Variants in YAF2 observed in about 807,000 individuals in gnomAD.
The protein encoded by YAF2 is YY1-associated factor 2.
In YAF2, 7 loss-of-function variants were observed where a neutral mutation model predicts 20.1. The observed-to-expected ratio is 0.35, with a 90% CI of 0.20 to 0.65. The LOEUF is 0.65. Among genes scored for constraint, YAF2 ranks in the 30% least tolerant of loss-of-function variants. The pLI is 0.69. For synonymous variants in YAF2, 74 were observed against 76.0 expected (o/e 0.97, Z 0.14); for missense variants, 151 against 219.2 (o/e 0.69, Z 1.96).
chr12:42,205,907 G>T, intron 2 of YAF2: 2 of 397,728 alleles, frequency 5.0e-6, no homozygotes, highest in Non-Finnish European at 9.9e-6. Flanking sequence ...TAATTATTTT[G>T]TAATTTCCAT....
chr12:42,163,108 A>G (rs756151943), intron 2 of YAF2, among the ~76,000 whole-genome samples: 6 of 152,186 alleles, frequency 3.9e-5, no homozygotes, highest in Non-Finnish European at 7.4e-5. Flanking sequence ...GTAGAGCCCA[A>G]GAAACTGTAT....
intron 2 of YAF2, among the ~76,000 whole-genome samples, chr12:42,175,690 C>T (rs778987179): frequency 4.8e-4 from 59 of 121,836 alleles, no homozygotes; most frequent in Admixed American, 1.0e-3. Context: ...TCCTGGCCAA[C>T]GAGATCGCAC....
intron 2 of YAF2, among the ~76,000 whole-genome samples, chr12:42,177,838 G>C (rs1407661471): frequency 6.6e-6 from 1 of 152,116 alleles, no homozygotes; most frequent in African/African-American, 2.4e-5. Context: ...TGTAGGAGAA[G>C]TCTTTCTTAA....
chr12:42,165,117 T>C (rs1293338362), intron 2 of YAF2, among the ~76,000 whole-genome samples: 1 of 149,962 alleles, frequency 6.7e-6, no homozygotes, highest in African/African-American at 2.4e-5. Context: ...TTATTGCACA[T>C]TTACATGTGT....
chr12:42,194,705 C>T (rs568392830), intron 2 of YAF2, among the ~76,000 whole-genome samples: 43 of 152,268 alleles, frequency 2.8e-4, no homozygotes, highest in African/African-American at 7.9e-4. Flanking sequence ...TGGTGTTGTA[C>T]AGTTACTCAC....
chr12:42,237,234 G>C (rs1376923181), intron 2 of YAF2, among the ~76,000 whole-genome samples: 1 of 152,164 alleles, frequency 6.6e-6, no homozygotes, highest in South Asian at 2.1e-4. Context: ...CTCCTAAAGA[G>C]ATTTTATGGG....
At chr12:42,224,369 A>C (rs1465503594) in intron 2 of YAF2, among the ~76,000 whole-genome samples, 2 of 151,694 alleles carry the variant, frequency 1.3e-5, no homozygotes, top group East Asian at 3.8e-4. Flanking sequence ...TAGGTGAAGA[A>C]TACAATATAT....
intron 2 of YAF2, among the ~76,000 whole-genome samples, chr12:42,214,522 T>G (rs1008453016): frequency 2.6e-5 from 4 of 151,988 alleles, no homozygotes; most frequent in African/African-American, 9.7e-5. Flanking sequence ...TCCAATGGCC[T>G]CAGCCTCCCA....
At chr12:42,218,536 G>T (rs768946642) in intron 2 of YAF2, among the ~76,000 whole-genome samples, 4 of 151,982 alleles carry the variant, frequency 2.6e-5, no homozygotes, top group Non-Finnish European at 5.9e-5. Context: ...TTTAAAAAAT[G>T]TATTATTTTT....
At chr12:42,173,143 A>C (rs2066093424) in intron 2 of YAF2, among the ~76,000 whole-genome samples, 1 of 152,214 alleles carries the variant, frequency 6.6e-6, no homozygotes, top group Non-Finnish European at 1.5e-5. Context: ...CCCAGACTGC[A>C]GTGCAATGGC....
intron 2 of YAF2, among the ~76,000 whole-genome samples, chr12:42,184,787 G>C (rs1362182798): frequency 6.6e-6 from 1 of 152,186 alleles, no homozygotes; most frequent in Non-Finnish European, 1.5e-5. Flanking sequence ...ACATGAACAG[G>C]AGTTTGGTGG....
chr12:42,233,092 G>T, intron 2 of YAF2: 1 of 985,304 alleles, frequency 1.0e-6, no homozygotes, highest in Non-Finnish European at 1.2e-6. Flanking sequence ...ATAAACATTT[G>T]CTGAATGCTG....
chr12:42,217,567 C>G (rs1397779324), intron 2 of YAF2, among the ~76,000 whole-genome samples: 2 of 152,074 alleles, frequency 1.3e-5, no homozygotes, highest in African/African-American at 4.8e-5. Flanking sequence ...CTGTGATGGG[C>G]ATTGAGAATT....
At chr12:42,222,688 GTC>G (rs1429523524) in intron 2 of YAF2, among the ~76,000 whole-genome samples, 1 of 152,094 alleles carries the variant, frequency 6.6e-6, no homozygotes, top group Non-Finnish European at 1.5e-5. Context: ...ATTATTTAGT[GTC>G]TGTTTCATAA....
At chr12:42,175,265 C>T (rs145734548) in intron 2 of YAF2, among the ~76,000 whole-genome samples, 1 of 152,224 alleles carries the variant, frequency 6.6e-6, no homozygotes, top group Non-Finnish European at 1.5e-5. Flanking sequence ...AAAAAATACA[C>T]ACTGTATGAT....
chr12:42,209,563 CAAAAAAAAAAAAAAA>C (rs71084623), intron 2 of YAF2, among the ~76,000 whole-genome samples: 1 of 27,806 alleles, frequency 3.6e-5, no homozygotes, highest in African/African-American at 1.3e-4. Flanking sequence ...GACTTTGTCT[CAAAAAAAAAAAAAAA>C]AAAAAAAAAA....
At chr12:42,171,515 AAAAAG>A (rs766521856) in intron 2 of YAF2, among the ~76,000 whole-genome samples, 44 of 152,086 alleles carry the variant, frequency 2.9e-4, no homozygotes, top group Non-Finnish European at 4.1e-4. Flanking sequence ...AAATTAAAAA[AAAAAG>A]AAAGAAAGAA....
intron 2 of YAF2, among the ~76,000 whole-genome samples, chr12:42,227,447 C>T (rs1316085982): frequency 8.0e-6 from 1 of 125,258 alleles, no homozygotes; most frequent in Non-Finnish European, 1.7e-5. Context: ...CGTCTCTGCC[C>T]GGCCGCCCAT....
chr12:42,232,553 A>C (rs1282111830), intron 2 of YAF2: 3 of 985,438 alleles, frequency 3.0e-6, no homozygotes, highest in Non-Finnish European at 3.6e-6. Context: ...TGAACAACTA[A>C]ATGGTTGCTA....
Sources: allele counts gnomAD v4.1 joint callset (sites outside exome capture counted in the v4.1 genomes callset), GRCh38; gene constraint gnomAD v4.1.1; transcripts MANE v1.5; gene names NCBI Gene and HGNC (gene_info 2026-07-23, HGNC 2026-07-21).